NUCB2: variants seen among roughly 807,000 people sequenced by gnomAD.
NUCB2 encodes the protein nucleobindin 2.
In NUCB2, 48 loss-of-function variants were observed where a neutral mutation model predicts 57.9. The ratio of observed to expected loss-of-function variants is 0.83; its 90% CI spans 0.66 to 1.05. The LOEUF (loss-of-function observed/expected upper bound fraction) is 1.05, where lower values mean the gene tolerates loss of function less well. NUCB2 is among the 50% of genes least tolerant of loss of function. The probability of loss-of-function intolerance (pLI) is 0.00; values close to 1 mark genes in which losing one functional copy is unlikely to be tolerated. For missense variants in NUCB2, 442 were observed against 476.2 expected (o/e 0.93, Z 0.67); for synonymous variants, 139 against 152.1 (o/e 0.91, Z 0.64).
chr11:17,329,728 G>A (rs1046114128), intron 11 of NUCB2, among the ~76,000 whole-genome samples: 13 of 152,226 alleles, frequency 8.5e-5, no homozygotes, highest in African/African-American at 3.1e-4. Flanking sequence ...CAGGTGATAT[G>A]AAGTTGAAAC....
intron 5 of NUCB2, among the ~76,000 whole-genome samples, chr11:17,306,559 C>T (rs1947667456): frequency 1.3e-5 from 2 of 152,172 alleles, no homozygotes; most frequent in Non-Finnish European, 2.9e-5. Flanking sequence ...GGACAACTTC[C>T]ATCCCCTCAG....
At chr11:17,313,254 G>A (rs1948768985) in intron 10 of NUCB2, among the ~76,000 whole-genome samples, 1 of 151,594 alleles carries the variant, frequency 6.6e-6, no homozygotes, top group Admixed American at 6.6e-5. Flanking sequence ...TTTGGGCTGG[G>A]CATGATAGCT....
intron 1 of NUCB2, 139 bp from the exon 2 acceptor site, chr11:17,282,650 T>C (rs186314980): frequency 2.6e-5 from 4 of 152,300 alleles, no homozygotes; most frequent in Admixed American, 2.6e-4. Flanking sequence ...TTAGTCTCCT[T>C]CCACATCATA....
At chr11:17,327,915 C>G (rs946518634) in intron 11 of NUCB2, among the ~76,000 whole-genome samples, 1 of 152,140 alleles carries the variant, frequency 6.6e-6, no homozygotes, top group Non-Finnish European at 1.5e-5. Context: ...TCTGGTTCTC[C>G]AGGATTGGAA....
chr11:17,346,374 G>A (rs185046386), intron 2 of NUCB2, among the ~76,000 whole-genome samples: 1 of 152,168 alleles, frequency 6.6e-6, no homozygotes, highest in South Asian at 2.1e-4. Context: ...GGAACCAGTG[G>A]TAAATCATGT....
At chr11:17,341,528 G>C (rs1300254165) in intron 2 of NUCB2, among the ~76,000 whole-genome samples, 10 of 152,206 alleles carry the variant, frequency 6.6e-5, no homozygotes, top group African/African-American at 2.2e-4. Flanking sequence ...AGCATGAAGT[G>C]TTGTTGAATT....
chr11:17,278,422 T>C (rs214077), intron 1 of NUCB2: 94,626 of 151,736 alleles, frequency 0.62, 29,722 homozygotes, highest in East Asian at 0.82. Context: ...GGTGATCCAC[T>C]TGCCTTGGCC....
At chr11:17,311,091 C>T in intron 7 of NUCB2, 81 bp downstream of exon 7, 2 of 1,405,670 alleles carry the variant, frequency 1.4e-6, no homozygotes, top group Non-Finnish European at 1.9e-6. Context: ...GTTATTAGTA[C>T]TTAAATCTTG....
rs1167995024 is a variant in NUCB2, at chr11:17,288,882, TACACACACACACACACACACACACACAC to T, written c.-1+5981_-1+6008del. On this transcript the variant is annotated intron_variant, in intron 2 of 13. Transcript: ENST00000529010. ...TAAAGTCTATTTAATAACATGTATA[TACACACACACACACACACACACACACAC>T]ACACACACACACACACACACACACA... Among the ~76,000 whole-genome samples the T allele has an allele frequency of 3.1e-4, 14 of 44,678 alleles. 1 individual carries two copies. The highest frequency in any genetic ancestry group is 2.6e-3 in the South Asian group (3 of 1,146). The allele number at this position is 44,678 out of a possible 152,430, so 29.3% of individuals were successfully genotyped here.
chr11:17,311,670 A>G (rs529376768), intron 8 of NUCB2, among the ~76,000 whole-genome samples: 1 of 152,330 alleles, frequency 6.6e-6, no homozygotes, highest in East Asian at 1.9e-4. Flanking sequence ...TTCCTTACAA[A>G]TGATTATGAA....
At chr11:17,344,617 C>T (rs1952568895) in intron 2 of NUCB2, among the ~76,000 whole-genome samples, 1 of 152,328 alleles carries the variant, frequency 6.6e-6, no homozygotes, top group African/African-American at 2.4e-5. Flanking sequence ...TCAGGCCTTT[C>T]AAACAAATTC....
At chr11:17,323,441 T>C (rs1343866008) in intron 11 of NUCB2, among the ~76,000 whole-genome samples, 1 of 152,202 alleles carries the variant, frequency 6.6e-6, no homozygotes, top group Non-Finnish European at 1.5e-5. Context: ...TGATGTATGA[T>C]CTTTTTAATG....
At chr11:17,308,553 A>C (rs1383967034) in intron 5 of NUCB2, among the ~76,000 whole-genome samples, 1 of 152,164 alleles carries the variant, frequency 6.6e-6, no homozygotes, top group Non-Finnish European at 1.5e-5. Context: ...GCTGATTTCC[A>C]ACAACTTCAA....
chr11:17,333,428 C>G (rs1165245899), downstream of NUCB2: 1 of 152,396 alleles, frequency 6.6e-6, no homozygotes, highest in Admixed American at 6.5e-5. Flanking sequence ...TTGTTTTGTT[C>G]TGTTTCTTGG....
chr11:17,311,177 T>A lies in NUCB2; in HGVS notation c.670-16T>A, dbSNP rs752871437. 57 of 1,577,436 alleles carry A rather than the reference T, an allele frequency of 3.6e-5. No homozygotes were observed. The African/African-American group carries it at 3.8e-4, about 11-fold the overall frequency. On this transcript the variant is annotated splice_polypyrimidine_tract_variant and intron_variant, in intron 7 of 13. Transcript: ENST00000529010. ...TTATATTTTGTTTTGAGCAATTTTT[T>A]AAAATTGGTTCACAGGGAAGCAAAG... is the stretch of plus-strand genomic sequence containing the variant.
intron 2 of NUCB2, among the ~76,000 whole-genome samples, chr11:17,287,875 C>T (rs1229112899): frequency 6.6e-6 from 1 of 151,700 alleles, no homozygotes; most frequent in Non-Finnish European, 1.5e-5. Context: ...TGGTACCCAC[C>T]TGTAATCCCA....
intron 2 of NUCB2, among the ~76,000 whole-genome samples, chr11:17,348,811 A>G (rs1952985957): frequency 6.6e-6 from 1 of 150,650 alleles, no homozygotes; most frequent in South Asian, 2.1e-4. Flanking sequence ...AGAGTCTTAC[A>G]CTTGTCACTC....
chr11:17,310,493 C>T (rs568350598), intron 6 of NUCB2, among the ~76,000 whole-genome samples: 74 of 151,984 alleles, frequency 4.9e-4, no homozygotes, highest in African/African-American at 1.5e-3. Flanking sequence ...AAATATTAGC[C>T]GGGAGTGGTG....
intron 2 of NUCB2, among the ~76,000 whole-genome samples, chr11:17,344,624 A>G (rs577379419): frequency 2.2e-3 from 342 of 152,326 alleles, no homozygotes; most frequent in Non-Finnish European, 4.2e-3. Context: ...TTTCAAACAA[A>G]TTCTTCCCTT....
Sources: allele counts gnomAD v4.1 joint callset (sites outside exome capture counted in the v4.1 genomes callset), GRCh38; gene constraint gnomAD v4.1.1; transcripts MANE v1.5; gene names NCBI Gene and HGNC (gene_info 2026-07-23, HGNC 2026-07-21).